COG3: variants seen among roughly 807,000 people sequenced by gnomAD.
The protein encoded by COG3 is component of oligomeric golgi complex 3, also known as conserved oligomeric Golgi complex subunit 3.
COG3 carries 32 observed loss-of-function variants against 114.1 expected under a neutral mutation model. That is an observed-to-expected ratio of 0.28 (90% CI 0.21 to 0.38). The LOEUF (loss-of-function observed/expected upper bound fraction) is 0.38. Ranked by LOEUF, COG3 falls within the 10% of genes least tolerant of loss-of-function variation. COG3 has a pLI of 1.00. For synonymous variants in COG3, 352 were observed against 365.7 expected (o/e 0.96, Z 0.43); for missense variants, 813 against 973.2 (o/e 0.84, Z 2.19).
intron 20 of COG3, 137 bp downstream of exon 20, chr13:45,525,188 A>G: frequency 1.7e-6 from 1 of 588,438 alleles, no homozygotes; most frequent in Non-Finnish European, 2.9e-6. Flanking sequence ...GCAGGATTCA[A>G]TTTGGAGCTG....
chr13:45,511,501 C>T (rs1302246326), intron 15 of COG3, among the ~76,000 whole-genome samples: 1 of 152,248 alleles, frequency 6.6e-6, no homozygotes, highest in African/African-American at 2.4e-5. Context: ...ATATTTCTAG[C>T]ATCTAGCACA....
chr13:45,474,899 T>A (rs1476776610), intron 1 of COG3, among the ~76,000 whole-genome samples: 1 of 152,040 alleles, frequency 6.6e-6, no homozygotes, highest in Non-Finnish European at 1.5e-5. Flanking sequence ...AATTAGGCCC[T>A]TTTACTTTCC....
rs370937289 is a variant in COG3 at position 45,503,265 on chromosome 13, G to A, written c.1510G>A (p.Asp504Asn). ...ACAGCAGATTGCACAGAGTTTGAAA[G>A]ATGAACAGAAGAAGGTACCTTCAGA... ...MMEQIAQSLK[D>N]EQKKVPSEAS... Residue 504 changes from aspartate (D) to asparagine (N), a missense_variant, in exon 14 of 23, where the codon GAT (aspartate) becomes AAT (asparagine). Asp to Asn is a conservative substitution (Grantham distance 23, BLOSUM62 1). Around this residue, in one of 2 missense-constraint regions of COG3, gnomAD observed 389 missense variants for 542.6 expected, o/e 0.72. Transcript: ENST00000349995. The A allele has an allele frequency of 2.9e-5, 46 of 1,594,192 alleles. No homozygotes were observed. In the African/African-American group the frequency reaches 5.1e-4, roughly 18 times the overall value.
At chr13:45,470,003 A>C (rs1885373700) in intron 1 of COG3, among the ~76,000 whole-genome samples, 1 of 152,162 alleles carries the variant, frequency 6.6e-6, no homozygotes, top group South Asian at 2.1e-4. Context: ...GGGGAGAGGG[A>C]AGAAGGGAGA....
intron 13 of COG3, among the ~76,000 whole-genome samples, chr13:45,500,084 GTGTGTGTGTGTATATATATATATA>G (rs1319864312): frequency 1.9e-5 from 1 of 52,656 alleles, no homozygotes; most frequent in East Asian, 5.0e-4. Context: ...GTGTGTGTGT[GTGTGTGTGTGTATATATATATATA>G]TATATATAAA....
Position 45,534,684 on chromosome 13 carries a change from C to T in COG3, c.2458-18C>T. The T allele has an allele frequency of 6.5e-7, 1 of 1,549,548 alleles. No homozygotes were observed. Among genetic ancestry groups the T allele is most frequent in the Non-Finnish European group, 8.8e-7 (1 of 1,142,308 alleles). ...ATTCCATAGGAGAACTAACATAGCTCTTAATTTTGCTTTTCAGCTGAGCCT... is the reference window on the plus strand; with the variant it reads ...ATTCCATAGGAGAACTAACATAGCTTTTAATTTTGCTTTTCAGCTGAGCCT... On this transcript the variant is annotated intron_variant, in intron 22 of 22. Transcript: ENST00000349995.
At chr13:45,470,394 C>T (rs904251909) in intron 1 of COG3, among the ~76,000 whole-genome samples, 3 of 152,154 alleles carry the variant, frequency 2.0e-5, no homozygotes, top group Non-Finnish European at 4.4e-5. Flanking sequence ...CTTAAAAGGA[C>T]AGCTCTATGT....
chr13:45,475,515 T>C (rs1390364951), intron 1 of COG3, among the ~76,000 whole-genome samples: 1 of 152,120 alleles, frequency 6.6e-6, no homozygotes, highest in African/African-American at 2.4e-5. Context: ...TTGGGTGTGA[T>C]TTGTTAATCC....
intron 1 of COG3, among the ~76,000 whole-genome samples, chr13:45,474,786 A>C (rs1011566701): frequency 2.0e-5 from 3 of 151,476 alleles, no homozygotes; most frequent in Admixed American, 6.5e-5. Flanking sequence ...GAAGGTAGAC[A>C]GGGTAGCACC....
chr13:45,472,475 A>G (rs2137778096), intron 1 of COG3, among the ~76,000 whole-genome samples: 1 of 152,220 alleles, frequency 6.6e-6, no homozygotes, highest in South Asian at 2.1e-4. Flanking sequence ...ATTTGATATC[A>G]TCATATAATT....
chr13:45,495,146 T>C (rs1593706606), intron 12 of COG3, among the ~76,000 whole-genome samples: 1 of 3,234 alleles, frequency 3.1e-4, no homozygotes, highest in Admixed American at 4.8e-3. Context: ...GCCTGGCCTC[T>C]TTTTTTTTTT....
chr13:45,483,756 T>C (rs1010450705), intron 7 of COG3, among the ~76,000 whole-genome samples: 4 of 152,220 alleles, frequency 2.6e-5, no homozygotes, highest in Admixed American at 6.5e-5. Context: ...TGCAAAATTA[T>C]GCATCTCATA....
intron 13 of COG3, among the ~76,000 whole-genome samples, chr13:45,501,248 A>T (rs1304119971): frequency 6.6e-6 from 1 of 152,188 alleles, no homozygotes; most frequent in Non-Finnish European, 1.5e-5. Context: ...TATCTATGTA[A>T]ATACTTGGAA....
At chr13:45,521,146 C>G (rs1872088715) in intron 19 of COG3, among the ~76,000 whole-genome samples, 1 of 151,960 alleles carries the variant, frequency 6.6e-6, no homozygotes, top group Admixed American at 6.6e-5. Context: ...TAGCAAGACT[C>G]TGTCTCAAAA....
At chr13:45,517,534 G>A (rs1017174572) in intron 17 of COG3, among the ~76,000 whole-genome samples, 1 of 150,566 alleles carries the variant, frequency 6.6e-6, no homozygotes, top group Admixed American at 6.6e-5. Context: ...AATCTTGGAA[G>A]TGGCACACCA....
Position 45,481,196 on chromosome 13 carries a change from T to C in COG3, c.550-34T>C, listed in dbSNP as rs991244999. Reference sequence around the variant, plus strand: ...TGGCATGTTGATTCTTATATTCTTATAATAATTGATTTTTCTCTTTTAAAA... The same window carrying C: ...TGGCATGTTGATTCTTATATTCTTACAATAATTGATTTTTCTCTTTTAAAA... On this transcript the variant is annotated intron_variant, in intron 4 of 22. Coordinates refer to ENST00000349995, the MANE Select transcript of COG3 (RefSeq NM_031431.4). 5.0e-6 allele frequency: 6 copies of C among 1,192,926 alleles called. No individual in the cohort carries two copies. The Admixed American group carries it at 5.7e-5, about 11-fold the overall frequency. 73.9% of individuals were successfully genotyped at this position (1,192,926 alleles called of 1,614,324 possible). A position where few individuals can be genotyped will look rare whatever the true frequency, so the allele number is the denominator to read the frequency against.
chr13:45,519,722 C>CGACTTTATTTGAGGACATGCTGT (rs1871911525), intron 19 of COG3, among the ~76,000 whole-genome samples: 1 of 151,996 alleles, frequency 6.6e-6, no homozygotes, highest in Non-Finnish European at 1.5e-5. Flanking sequence ...GTTGAAGGAA[C>CGACTTTATTTGAGGACATGCTGT]GACTTTATTT....
At chr13:45,519,832 C>T (rs978489150) in intron 19 of COG3, among the ~76,000 whole-genome samples, 2 of 152,204 alleles carry the variant, frequency 1.3e-5, no homozygotes, top group Non-Finnish European at 2.9e-5. Flanking sequence ...AGTATATTCT[C>T]TCTGTCTCTC....
At chr13:45,518,227 T>C (rs1593741894) in intron 17 of COG3, among the ~76,000 whole-genome samples, 1 of 152,346 alleles carries the variant, frequency 6.6e-6, no homozygotes, top group Non-Finnish European at 1.5e-5. Context: ...GCCTCTAACC[T>C]CTCAAGACTA....
Sources: allele counts gnomAD v4.1 joint callset (sites outside exome capture counted in the v4.1 genomes callset), GRCh38; gene constraint gnomAD v4.1.1; regional missense constraint gnomAD v4.1.1; transcripts MANE v1.5; gene names NCBI Gene and HGNC (gene_info 2026-07-23, HGNC 2026-07-21).